PLPPR5: variants seen among roughly 807,000 people sequenced by gnomAD.
PLPPR5 encodes the protein phospholipid phosphatase related 5.
Under a neutral mutation model 33.9 loss-of-function variants are expected in PLPPR5, and 16 were observed. That is an observed-to-expected ratio of 0.47 (90% CI 0.32 to 0.72). The LOEUF is 0.72. PLPPR5 is among the 30% of genes least tolerant of loss of function. The pLI is 0.03. For synonymous variants in PLPPR5, 163 were observed against 150.3 expected (o/e 1.08, Z -0.62); for missense variants, 301 against 406.7 (o/e 0.74, Z 2.23).
chr1:98,968,828 G>C (rs1651545402), intron 1 of PLPPR5, among the ~76,000 whole-genome samples: 2 of 152,052 alleles, frequency 1.3e-5, no homozygotes, highest in African/African-American at 4.8e-5. Context: ...ATGGCACAGA[G>C]AGATTATATG....
chr1:98,990,870 A>AATTTT (rs1279549275), intron 1 of PLPPR5: 1 of 152,116 alleles, frequency 6.6e-6, no homozygotes, highest in Non-Finnish European at 1.5e-5. Context: ...AATTTCTATT[A>AATTTT]ATTTTATTTT....
At chr1:98,968,658 A>G (rs911695243) in intron 1 of PLPPR5, among the ~76,000 whole-genome samples, 4 of 152,088 alleles carry the variant, frequency 2.6e-5, no homozygotes, top group Non-Finnish European at 5.9e-5. Flanking sequence ...TTGGCACTGT[A>G]TGCCTGTATC....
intron 5 of PLPPR5, among the ~76,000 whole-genome samples, chr1:98,899,372 T>C (rs1648601275): frequency 6.6e-6 from 1 of 152,172 alleles, no homozygotes; most frequent in African/African-American, 2.4e-5. Flanking sequence ...CCACAAGCAA[T>C]GGATTGTCTT....
rs571889849 is a variant in PLPPR5, at chr1:98,942,279, G to A, written c.621+10791C>T. Among the ~76,000 whole-genome samples, 8 of 152,282 alleles carry A rather than the reference G, an allele frequency of 5.3e-5. No homozygotes were observed. In the South Asian group the frequency reaches 8.3e-4, roughly 16 times the overall value. The stretch of plus-strand genomic sequence containing the variant: ...AGTAGAGATGGAGTTTCACCCTCAA[G>A]TGATCTGCCCGCCTTGGCCTCCCAA... On this transcript the variant is annotated intron_variant, in intron 3 of 5. Transcript: ENST00000263177.
At chr1:98,999,801 T>C (rs560242171) in intron 1 of PLPPR5, among the ~76,000 whole-genome samples, 1 of 152,210 alleles carries the variant, frequency 6.6e-6, no homozygotes, top group African/African-American at 2.4e-5. Flanking sequence ...AGTAGCTACA[T>C]TTCTCAAATC....
chr1:98,931,992 G>A (rs994358028), intron 3 of PLPPR5, among the ~76,000 whole-genome samples: 20 of 152,234 alleles, frequency 1.3e-4, no homozygotes, highest in Middle Eastern at 3.4e-3. Flanking sequence ...AATTGGATGC[G>A]TGCTTATGTG....
intron 5 of PLPPR5, among the ~76,000 whole-genome samples, chr1:98,910,259 T>C (rs1485373174): frequency 1.3e-5 from 2 of 152,210 alleles, no homozygotes; most frequent in Non-Finnish European, 2.9e-5. Context: ...GAGGGCCAGC[T>C]TTAACGTCTA....
chr1:98,980,559 C>T (rs1245183240), intron 1 of PLPPR5, among the ~76,000 whole-genome samples: 2 of 151,996 alleles, frequency 1.3e-5, no homozygotes, highest in Non-Finnish European at 2.9e-5. Flanking sequence ...ACTGGAAAAA[C>T]CTGAGTTTTA....
chr1:98,961,763 T>A (rs72730370), intron 1 of PLPPR5, among the ~76,000 whole-genome samples: 13,824 of 152,206 alleles, frequency 0.091, 727 homozygotes, highest in Non-Finnish European at 0.11. Context: ...TTCCTCTTGA[T>A]TTTGAATCAG....
At chr1:98,993,314 T>C (rs17119379) in intron 1 of PLPPR5, among the ~76,000 whole-genome samples, 7,350 of 152,106 alleles carry the variant, frequency 0.048, 226 homozygotes, top group East Asian at 0.14. Flanking sequence ...AAAAATGGGA[T>C]GACAGAAAGA....
At chr1:98,950,056 G>T (rs1650720638) in intron 3 of PLPPR5, among the ~76,000 whole-genome samples, 1 of 152,200 alleles carries the variant, frequency 6.6e-6, no homozygotes, top group African/African-American at 2.4e-5. Context: ...ATGCAGGAAA[G>T]AATTCAGCAG....
intron 3 of PLPPR5, among the ~76,000 whole-genome samples, chr1:98,940,967 G>C (rs1207886420): frequency 6.6e-6 from 1 of 151,766 alleles, no homozygotes; most frequent in East Asian, 1.9e-4. Flanking sequence ...CATGGTTTCG[G>C]TTTTTGAAAT....
chr1:98,906,879 C>T (rs1441276793), intron 5 of PLPPR5, among the ~76,000 whole-genome samples: 1 of 152,116 alleles, frequency 6.6e-6, no homozygotes, highest in Non-Finnish European at 1.5e-5. Context: ...TTATCATCTT[C>T]TTCAGATACA....
intron 3 of PLPPR5, among the ~76,000 whole-genome samples, chr1:98,941,889 G>T: frequency 6.6e-6 from 1 of 151,446 alleles, no homozygotes; most frequent in East Asian, 1.9e-4. Flanking sequence ...AACCTTTCTT[G>T]TAATACAACA....
chr1:98,956,858 AAC>A (rs1463104550), intron 1 of PLPPR5, 117 bp from the exon 2 acceptor site: 5 of 753,898 alleles, frequency 6.6e-6, no homozygotes, highest in Non-Finnish European at 9.8e-6. Flanking sequence ...CTCAATGTAA[AAC>A]AGAGCCATAA....
intron 3 of PLPPR5, among the ~76,000 whole-genome samples, chr1:98,936,088 G>A (rs1339422483): frequency 6.6e-6 from 1 of 152,166 alleles, no homozygotes; most frequent in Non-Finnish European, 1.5e-5. Context: ...CTGTGGGCAA[G>A]TTAATGAATT....
intron 1 of PLPPR5, among the ~76,000 whole-genome samples, chr1:99,001,671 G>GATATATATATAT (rs55722150): frequency 0.039 from 3,959 of 101,944 alleles, 206 homozygotes; most frequent in Non-Finnish European, 0.052. Context: ...GAAAGTTAAA[G>GATATATATATAT]ATATATATAT....
At chr1:98,997,634 T>C (rs1652677728) in intron 1 of PLPPR5, among the ~76,000 whole-genome samples, 1 of 152,340 alleles carries the variant, frequency 6.6e-6, no homozygotes, top group South Asian at 2.1e-4. Context: ...ATCTTTGCTA[T>C]TCTTTCTATA....
chr1:98,933,089 A>G (rs1329098812), intron 3 of PLPPR5, among the ~76,000 whole-genome samples: 1 of 152,190 alleles, frequency 6.6e-6, no homozygotes. Context: ...ACTCACAGTA[A>G]GCAGAATAAG....
Sources: allele counts gnomAD v4.1 joint callset (sites outside exome capture counted in the v4.1 genomes callset), GRCh38; gene constraint gnomAD v4.1.1; transcripts MANE v1.5; gene names NCBI Gene and HGNC (gene_info 2026-07-23, HGNC 2026-07-21).